Variants in APBB2 observed in about 807,000 individuals in gnomAD.
The protein encoded by APBB2 is Fe65-like 1.
Under a neutral mutation model 82.5 loss-of-function variants are expected in APBB2, and 38 were observed. The ratio of observed to expected loss-of-function variants is 0.46; its 90% confidence interval spans 0.36 to 0.60. The LOEUF (loss-of-function observed/expected upper bound fraction) is 0.60, where lower values mean the gene tolerates loss of function less well. APBB2 is among the 20% of genes least tolerant of loss of function. The probability of loss-of-function intolerance (pLI) is 0.00; values close to 1 mark genes in which losing one functional copy is unlikely to be tolerated. For missense variants in APBB2, 772 were observed against 972.3 expected (o/e 0.79, Z 2.74); for synonymous variants, 341 against 368.2 (o/e 0.93, Z 0.85).
chr4:41,036,050 C>T (rs1293063789), intron 4 of APBB2, among the ~76,000 whole-genome samples: 5 of 152,042 alleles, frequency 3.3e-5, no homozygotes, highest in African/African-American at 1.2e-4. Context: ...CCCAGCTACT[C>T]AGGAGGCTGA....
At position 40,990,020 on chromosome 4, in the gene APBB2, C is replaced by T. The variant is rs1801574232; in HGVS notation, c.835+23563G>A. The T allele has an allele frequency of 2.0e-5, 3 of 152,232 alleles. No individual in the cohort carries two copies. In the South Asian group the frequency reaches 6.2e-4, roughly 31 times the overall value. The allele number at this position is 152,232 out of a possible 1,614,324, so 9.4% of individuals were successfully genotyped here. A position where few individuals can be genotyped will look rare whatever the true frequency, so the allele number is the denominator to read the frequency against. ...ATTAAATGATACCTGGGTTGCTGCT[C>T]CACAAGGGTTCTCAAAAGCGGGAGT... On this transcript the variant is annotated intron_variant, in intron 6 of 17. Transcript: ENST00000508593.
chr4:40,977,709 G>A (rs1264246370), intron 6 of APBB2, among the ~76,000 whole-genome samples: 2 of 152,136 alleles, frequency 1.3e-5, no homozygotes, highest in African/African-American at 4.8e-5. Context: ...AAAACACATG[G>A]TGTACATACA....
chr4:40,893,535 G>C (rs6447505), intron 10 of APBB2, 124 bp from the exon 11 acceptor site: 378,643 of 814,110 alleles, frequency 0.47, 89,962 homozygotes, highest in East Asian at 0.63. Flanking sequence ...GCTTCATTAT[G>C]TTCAATCATC....
intron 6 of APBB2, among the ~76,000 whole-genome samples, chr4:40,949,898 G>T (rs34295522): frequency 6.6e-6 from 1 of 152,008 alleles, no homozygotes; most frequent in Admixed American, 6.5e-5. Context: ...AAAAACCTCC[G>T]CCCTGGAGAA....
chr4:41,144,862 G>A (rs1760257977), intron 1 of APBB2, among the ~76,000 whole-genome samples: 1 of 152,240 alleles, frequency 6.6e-6, no homozygotes. Flanking sequence ...CTTATGGCCT[G>A]TAATCCCAGC....
At chr4:41,208,407 G>A (rs1043329239) in intron 1 of APBB2, among the ~76,000 whole-genome samples, 12 of 152,178 alleles carry the variant, frequency 7.9e-5, no homozygotes, top group African/African-American at 2.4e-4. Flanking sequence ...AATTACAGGC[G>A]TGTGCCACCA....
chr4:40,888,220 C>G (rs927216465), intron 12 of APBB2, among the ~76,000 whole-genome samples: 2 of 152,212 alleles, frequency 1.3e-5, no homozygotes, highest in African/African-American at 4.8e-5. Context: ...GTGTTGTGGT[C>G]CTTATTATGA....
At position 41,036,931 on chromosome 4, in the gene APBB2, A is replaced by C. The variant is rs184625362; in HGVS notation, c.-50-3627T>G. ...CAATAACCTGAGAAGATATCAAAGCAGCACTTGGAAAATAGGCAAACACTA... is the reference window on the plus strand; with the variant it reads ...CAATAACCTGAGAAGATATCAAAGCCGCACTTGGAAAATAGGCAAACACTA... On this transcript the variant is annotated intron_variant, in intron 4 of 17. Transcript: ENST00000508593. Among the ~76,000 whole-genome samples the C allele has an allele frequency of 2.6e-3, 398 of 152,340 alleles. 1 individual carries two copies. The highest frequency in any genetic ancestry group is 8.8e-3 in the African/African-American group (366 of 41,582).
At position 40,857,161 on chromosome 4, in the gene APBB2, G is replaced by A. The variant is rs995194273; in HGVS notation, c.1530-26584C>T. The A allele has an allele frequency of 5.1e-6, 5 of 985,346 alleles. No individual in the cohort carries two copies. The African/African-American group carries it at 7.0e-5, about 14-fold the overall frequency. 61.0% of individuals were successfully genotyped at this position (985,346 alleles called of 1,614,324 possible). A position where few individuals can be genotyped will look rare whatever the true frequency, so the allele number is the denominator to read the frequency against. On this transcript the variant is annotated intron_variant, in intron 12 of 17. Coordinates refer to ENST00000508593, the MANE Select transcript of APBB2 (RefSeq NM_004307.2). ...CACTGCCCCGGGCTCAAGTTGAAGA[G>A]AGCGGCGCCCGCGCCTCCCTGCGCC...
chr4:40,959,674 T>C (rs1030362699), intron 6 of APBB2, among the ~76,000 whole-genome samples: 2 of 152,214 alleles, frequency 1.3e-5, no homozygotes, highest in Non-Finnish European at 2.9e-5. Context: ...GTGGGCGTCA[T>C]GTTTTGTAAA....
chr4:40,901,330 G>A (rs908977664), intron 10 of APBB2, among the ~76,000 whole-genome samples: 1 of 151,894 alleles, frequency 6.6e-6, no homozygotes, highest in African/African-American at 2.4e-5. Context: ...CCCCAATCCT[G>A]ACATATCATA....
In APBB2 at chr4:41,106,109, G is replaced by A. The variant is rs369830265; in HGVS notation, c.-260-5359C>T. On this transcript the variant is annotated intron_variant, in intron 2 of 17. Coordinates refer to ENST00000508593, the MANE Select transcript of APBB2 (RefSeq NM_004307.2). The stretch of plus-strand genomic sequence containing the variant: ...ACATCTTAAATTGCTTTAAGAATTA[G>A]CATATGTATAGCTCAGGGGAATAAA... 3.3e-5 allele frequency among the ~76,000 whole-genome samples: 5 copies of A among 152,264 alleles called. No homozygotes were observed. In the East Asian group the frequency reaches 5.8e-4, roughly 18 times the overall value.
chr4:40,968,636 G>T (rs900522575), intron 6 of APBB2, among the ~76,000 whole-genome samples: 8 of 152,022 alleles, frequency 5.3e-5, no homozygotes, highest in African/African-American at 1.7e-4. Flanking sequence ...GACACTCACT[G>T]GTCTCACAAC....
chr4:41,186,796 G>A (rs1470389543), intron 1 of APBB2, among the ~76,000 whole-genome samples: 1 of 152,168 alleles, frequency 6.6e-6, no homozygotes, highest in Admixed American at 6.5e-5. Context: ...GGTGTTCACA[G>A]CAACCCTATC....
Position 41,013,928 on chromosome 4 carries a change from A to T in APBB2, c.490T>A (p.Tyr164Asn), listed in dbSNP as rs1242574293. Residue 164 changes from tyrosine to asparagine, a missense_variant, in exon 6 of 18, where the codon TAC becomes AAC. Tyr to Asn is a moderately radical substitution (Grantham distance 143). Coordinates refer to ENST00000508593, the MANE Select transcript of APBB2 (RefSeq NM_004307.2). ...GCTGAGGTTTCCAGATCTGCATAGTAATTTAGGAAGCTCTTAGTTCTCCTG... is the reference window on the plus strand; with the variant it reads ...GCTGAGGTTTCCAGATCTGCATAGTTATTTAGGAAGCTCTTAGTTCTCCTG... The part of the protein sequence containing the change: ...QPRRTKSFLN[Y>N]YADLETSARE... 3.1e-6 allele frequency: 5 copies of T among 1,613,988 alleles called. No homozygotes were observed. Among genetic ancestry groups the T allele is most frequent in the Non-Finnish European group, 4.2e-6 (5 of 1,180,038 alleles).
In APBB2 at chr4:41,105,877, C is replaced by A. The variant is rs547351441; in HGVS notation, c.-260-5127G>T. 4.4e-3 allele frequency among the ~76,000 whole-genome samples: 607 copies of A among 139,218 alleles called. 5 individuals carry two copies. Among genetic ancestry groups the A allele is most frequent in the African/African-American group, 0.015 (572 of 38,018 alleles). The allele number at this position is 139,218 out of a possible 152,430, so 91.3% of individuals were successfully genotyped here. On this transcript the variant is annotated intron_variant, in intron 2 of 17. Transcript: ENST00000508593. ...CTCCAGCCTGGGCGACAGAGCGAGA[C>A]CCCGTCTCAAAAAAAAAAAAAAAAG...
intron 3 of APBB2, among the ~76,000 whole-genome samples, chr4:41,082,104 T>C (rs985671937): frequency 1.3e-5 from 2 of 152,074 alleles, no homozygotes; most frequent in African/African-American, 4.8e-5. Context: ...AGGACACACG[T>C]TTAGACTTAA....
At chr4:41,110,540 T>C (rs974333760) in intron 2 of APBB2, among the ~76,000 whole-genome samples, 3 of 150,926 alleles carry the variant, frequency 2.0e-5, no homozygotes, top group Non-Finnish European at 4.4e-5. Context: ...GAGGCAGAGG[T>C]TGCAGTGAGC....
Position 41,142,017 on chromosome 4 carries a change from C to T in APBB2, c.-261+970G>A, listed in dbSNP as rs1759364962. Among the ~76,000 whole-genome samples, 5 of 152,262 alleles carry T rather than the reference C, an allele frequency of 3.3e-5. No homozygotes were observed. In the South Asian group the frequency reaches 6.2e-4, roughly 19 times the overall value. On this transcript the variant is annotated intron_variant, in intron 2 of 17. Transcript: ENST00000508593. ...ATAACTGAGTCAGCAGGGTCACCTC[C>T]TCTAACTACATAGGGTGAAAATGAA...
Sources: allele counts gnomAD v4.1 joint callset (sites outside exome capture counted in the v4.1 genomes callset), GRCh38; gene constraint gnomAD v4.1.1; transcripts MANE v1.5; gene names NCBI Gene and HGNC (gene_info 2026-07-23, HGNC 2026-07-21).